Variants in NR6A1 observed in about 807,000 individuals in gnomAD.
The protein encoded by NR6A1 is retinoic acid receptor-related testis-associated receptor.
Under a neutral mutation model 59.1 loss-of-function variants are expected in NR6A1, and 7 were observed. The ratio of observed to expected loss-of-function variants is 0.12; its 90% confidence interval spans 0.07 to 0.22. The LOEUF is 0.22. NR6A1 is among the 10% of genes least tolerant of loss of function. The probability of loss-of-function intolerance (pLI) is 1.00; values close to 1 mark genes in which losing one functional copy is unlikely to be tolerated. For synonymous variants in NR6A1, 243 were observed against 236.1 expected, an observed-to-expected ratio of 1.03 and a Z score of -0.27; for missense variants, 468 against 611.6, an observed-to-expected ratio of 0.77 and a Z score of 2.48.
chr9:124,703,478 T>C (rs983291217), intron 2 of NR6A1, among the ~76,000 whole-genome samples: 1 of 151,168 alleles, frequency 6.6e-6, no homozygotes, highest in African/African-American at 2.4e-5. Flanking sequence ...AAAGTGCTGG[T>C]ATTACCAGCG....
intron 2 of NR6A1, among the ~76,000 whole-genome samples, chr9:124,685,767 A>G (rs978743034): frequency 1.3e-5 from 2 of 152,212 alleles, no homozygotes; most frequent in Non-Finnish European, 2.9e-5. Flanking sequence ...TTATTTCCCC[A>G]TTCATGATTA....
At chr9:124,637,215 G>C (rs527864519) in intron 2 of NR6A1, among the ~76,000 whole-genome samples, 34 of 152,316 alleles carry the variant, frequency 2.2e-4, no homozygotes, top group African/African-American at 7.5e-4. Context: ...CATGTACAAA[G>C]ACATGGTAGC....
intron 2 of NR6A1, among the ~76,000 whole-genome samples, chr9:124,682,151 T>C (rs1159207721): frequency 2.6e-5 from 4 of 152,000 alleles, no homozygotes; most frequent in Admixed American, 6.6e-5. Context: ...CCCACCACCA[T>C]GCCCAGCTAA....
intron 2 of NR6A1, among the ~76,000 whole-genome samples, chr9:124,671,959 C>A (rs1438175948): frequency 6.6e-6 from 1 of 152,184 alleles, no homozygotes; most frequent in Admixed American, 6.5e-5. Flanking sequence ...CTTGTGCCCT[C>A]CAGCTATTTT....
intron 2 of NR6A1, among the ~76,000 whole-genome samples, chr9:124,668,811 C>T (rs891388021): frequency 6.6e-6 from 1 of 152,140 alleles, no homozygotes; most frequent in African/African-American, 2.4e-5. Flanking sequence ...AATGTACATC[C>T]CTGCCAGCAG....
At chr9:124,770,933 A>T in intron 1 of NR6A1, 87 bp downstream of exon 1, 1 of 764,644 alleles carries the variant, frequency 1.3e-6, no homozygotes. Flanking sequence ...TCCCAGGGCG[A>T]GGGTCGGCAG....
chr9:124,681,745 T>C (rs1838167691), intron 2 of NR6A1, among the ~76,000 whole-genome samples: 1 of 152,194 alleles, frequency 6.6e-6, no homozygotes, highest in Admixed American at 6.6e-5. Context: ...ATGAGTTCAA[T>C]GATATTTACA....
chr9:124,687,291 ATTAT>A (rs142524533), intron 2 of NR6A1, among the ~76,000 whole-genome samples: 1 of 142,086 alleles, frequency 7.0e-6, no homozygotes, highest in Non-Finnish European at 1.5e-5. Flanking sequence ...CAGCTAATTA[ATTAT>A]TTATTTATTT....
chr9:124,737,201 C>A (rs190357106), intron 1 of NR6A1, among the ~76,000 whole-genome samples: 35 of 152,322 alleles, frequency 2.3e-4, no homozygotes, highest in Non-Finnish European at 4.0e-4. Context: ...CTCCAAGGGT[C>A]ACAAAGATCC....
At chr9:124,577,294 T>C (rs564836200) in intron 2 of NR6A1, among the ~76,000 whole-genome samples, 24 of 152,322 alleles carry the variant, frequency 1.6e-4, no homozygotes, top group Admixed American at 1.1e-3. Flanking sequence ...AAAAAATTCT[T>C]TGAGTCTCTT....
chr9:124,530,999 G>A (rs932372802), intron 7 of NR6A1, among the ~76,000 whole-genome samples: 2 of 152,222 alleles, frequency 1.3e-5, no homozygotes, highest in African/African-American at 4.8e-5. Context: ...CAAGGTAGCA[G>A]TAAGAATTCA....
chr9:124,624,315 G>C (rs1366206578), intron 2 of NR6A1, among the ~76,000 whole-genome samples: 1 of 152,218 alleles, frequency 6.6e-6, no homozygotes, highest in African/African-American at 2.4e-5. Flanking sequence ...ACAGCCGTGG[G>C]TAAGCTAGGC....
intron 2 of NR6A1, among the ~76,000 whole-genome samples, chr9:124,705,211 T>G (rs1349803490): frequency 6.6e-6 from 1 of 152,188 alleles, no homozygotes; most frequent in Admixed American, 6.5e-5. Flanking sequence ...AGTTCACTGA[T>G]AGTGCTGATG....
In NR6A1 at chr9:124,690,042, C is replaced by T. The variant is rs147317143; in HGVS notation, c.142+43266G>A. Among the ~76,000 whole-genome samples the T allele has an allele frequency of 3.3e-5, 5 of 152,260 alleles. No individual in the cohort carries two copies. The East Asian group carries it at 9.6e-4, about 29-fold the overall frequency. The stretch of plus-strand genomic sequence containing the variant: ...ACTAGCACAGTTTGGCAAAAAGAAA[C>T]ATGAATTCACACTGACATGCTGTTG... On this transcript the variant is annotated intron_variant, in intron 2 of 9. Transcript: ENST00000487099.
At chr9:124,703,798 A>T (rs1305800194) in intron 2 of NR6A1, among the ~76,000 whole-genome samples, 2 of 151,204 alleles carry the variant, frequency 1.3e-5, no homozygotes, top group Non-Finnish European at 2.9e-5. Flanking sequence ...TTCTAAAAGA[A>T]TTTGTTAAGG....
chr9:124,617,953 T>C (rs927450051), intron 2 of NR6A1, among the ~76,000 whole-genome samples: 5 of 152,196 alleles, frequency 3.3e-5, no homozygotes, highest in African/African-American at 4.8e-5. Context: ...GCCAAACCTT[T>C]ATCAACTAGA....
chr9:124,712,667 G>A (rs1346734398), intron 2 of NR6A1, among the ~76,000 whole-genome samples: 1 of 151,802 alleles, frequency 6.6e-6, no homozygotes, highest in Admixed American at 6.6e-5. Flanking sequence ...ATAGGTTTTG[G>A]CTCTTCTACA....
Position 124,723,621 on chromosome 9 carries a change from C to T in NR6A1, c.142+9687G>A, listed in dbSNP as rs554889944. On this transcript the variant is annotated intron_variant, in intron 2 of 9. Transcript: ENST00000487099. ...GCTTAATTGAATAAAACAGTTTCAACAGCCCATTAGTGCAGAAAGACTGAG... is the reference window on the plus strand; with the variant it reads ...GCTTAATTGAATAAAACAGTTTCAATAGCCCATTAGTGCAGAAAGACTGAG... Among the ~76,000 whole-genome samples the T allele has an allele frequency of 6.6e-5, 10 of 152,318 alleles. No homozygotes were observed. The East Asian group carries it at 1.9e-3, about 29-fold the overall frequency.
At chr9:124,697,654 G>A (rs1030060548) in intron 2 of NR6A1, among the ~76,000 whole-genome samples, 1 of 150,188 alleles carries the variant, frequency 6.7e-6, no homozygotes, top group Non-Finnish European at 1.5e-5. Flanking sequence ...CATGAGACAA[G>A]GCCAGAAAAG....
Sources: gnomAD v4.1 joint callset for allele counts (sites outside exome capture counted in the v4.1 genomes callset) on GRCh38, gnomAD v4.1.1 for gene constraint, MANE v1.5 for transcripts, NCBI Gene and HGNC (gene_info 2026-07-23, HGNC 2026-07-21) for gene names.